DOCK10: variants seen among roughly 807,000 people sequenced by gnomAD.
The protein encoded by DOCK10 is dedicator of cytokinesis 10, also known as dedicator of cytokinesis protein 10.
DOCK10 carries 145 observed loss-of-function variants against 280.1 expected under a neutral mutation model. The observed-to-expected ratio is 0.52, with a 90% CI of 0.45 to 0.59. The LOEUF (loss-of-function observed/expected upper bound fraction) is 0.59. DOCK10 is among the 20% of genes least tolerant of loss of function. DOCK10 has a pLI of 0.00. For missense variants in DOCK10, 2,368 were observed against 2,651.7 expected (o/e 0.89, Z 2.35); for synonymous variants, 915 against 942.2 (o/e 0.97, Z 0.53).
intron 1 of DOCK10, among the ~76,000 whole-genome samples, chr2:225,016,883 ATTTTGTAT>A (rs1308502020): frequency 6.6e-6 from 1 of 150,690 alleles, no homozygotes; most frequent in Non-Finnish European, 1.5e-5. Context: ...TTGAATTTTT[ATTTTGTAT>A]TTTGTATTTT....
At chr2:224,979,377 A>G (rs188787773) in intron 1 of DOCK10, among the ~76,000 whole-genome samples, 6 of 152,304 alleles carry the variant, frequency 3.9e-5, no homozygotes, top group Admixed American at 2.6e-4. Flanking sequence ...TACAACTCAA[A>G]CCCTGACATT....
chr2:225,011,354 A>G (rs1689429590), intron 1 of DOCK10, among the ~76,000 whole-genome samples: 2 of 152,198 alleles, frequency 1.3e-5, no homozygotes, highest in African/African-American at 4.8e-5. Flanking sequence ...TGGAAGTTTC[A>G]GCTTCCTAAA....
rs78462487 is a variant in DOCK10, at chr2:224,943,206, A to C, written c.124-11538T>G. Among the ~76,000 whole-genome samples the C allele has an allele frequency of 6.1e-3, 927 of 152,332 alleles. 11 individuals are homozygous for C. Among genetic ancestry groups the C allele is most frequent in the African/African-American group, 0.02 (818 of 41,582 alleles). ...CACTTTTCCTTAAGCTTTTTTCATA[A>C]CACAACTTCAGTCTCTCAATTGTAT... On this transcript the variant is annotated intron_variant, in intron 1 of 55. Coordinates refer to ENST00000258390, the MANE Select transcript of DOCK10 (RefSeq NM_014689.3).
intron 1 of DOCK10, among the ~76,000 whole-genome samples, chr2:225,001,502 A>T (rs1706429668): frequency 6.6e-6 from 1 of 151,882 alleles, no homozygotes; most frequent in Non-Finnish European, 1.5e-5. Flanking sequence ...GTTAGCCAGG[A>T]TGGTCTTGAT....
rs879908975 is a variant in DOCK10, at chr2:224,888,836, G to GAA, written c.417-2306_417-2305insTT. 2.5e-3 allele frequency among the ~76,000 whole-genome samples: 378 copies of GAA among 151,690 alleles called. 1 individual carries two copies. The highest frequency in any genetic ancestry group is 0.01 in the Middle Eastern group (3 of 292). On this transcript the variant is annotated intron_variant, in intron 4 of 55. Coordinates refer to ENST00000258390, the MANE Select transcript of DOCK10 (RefSeq NM_014689.3). ...TGTGTGTATGTATGTGTGTGAATATGTATGTGTGAATATATTTGTGTGTGA... is the reference window on the plus strand; with the variant it reads ...TGTGTGTATGTATGTGTGTGAATATGAATATGTGTGAATATATTTGTGTGTGA...
chr2:224,885,553 A>G (rs1699227155), intron 7 of DOCK10, 118 bp downstream of exon 7: 3 of 1,071,704 alleles, frequency 2.8e-6, no homozygotes, highest in South Asian at 3.2e-5. Context: ...CTTGTTTTTC[A>G]CAGAATTCTT....
Position 224,770,244 on chromosome 2 carries a change from C to T in DOCK10, c.6411G>A (p.Met2137Ile), listed in dbSNP as rs1351602738. ...TCATGACTGTGGAGAGTTCGCTGAG[C>T]ATGTCCTTGTAGTGGGACCTCAGTT... Reference protein sequence around the residue: ...QEELRSHYKDMLSELSTVMNE... With the variant: ...QEELRSHYKDILSELSTVMNE... The change falls in exon 55 of 56, where the codon ATG becomes ATA. Residue 2137 changes from methionine (M) to isoleucine (I), a missense_variant. Coordinates refer to ENST00000258390, the MANE Select transcript of DOCK10 (RefSeq NM_014689.3). The surrounding 1 kb of genome is among the most constrained non-coding windows in gnomAD (Gnocchi z 4.5). 11 of 1,601,746 alleles carry T rather than the reference C, an allele frequency of 6.9e-6. No homozygotes were observed. Among genetic ancestry groups the T allele is most frequent in the South Asian group, 1.1e-5 (1 of 88,534 alleles).
intron 1 of DOCK10, among the ~76,000 whole-genome samples, chr2:225,025,878 C>T (rs1177855810): frequency 6.6e-6 from 1 of 152,056 alleles, no homozygotes; most frequent in Non-Finnish European, 1.5e-5. Flanking sequence ...AACCAAGAAT[C>T]ATTTATGAAG....
chr2:224,777,294 T>C (rs1310044329), intron 51 of DOCK10, among the ~76,000 whole-genome samples: 1 of 152,216 alleles, frequency 6.6e-6, no homozygotes, highest in African/African-American at 2.4e-5. Flanking sequence ...CAAAGTATTG[T>C]TCCTGGGTGT....
At chr2:224,795,139 T>C (rs1374189593) in intron 44 of DOCK10, 45 bp from the exon 45 acceptor site, 11 of 1,553,638 alleles carry the variant, frequency 7.1e-6, no homozygotes, top group Admixed American at 3.4e-5. Context: ...TTAGAATCTA[T>C]AGGTTAACTG....
At chr2:224,828,966 A>C (rs1695044206) in intron 27 of DOCK10, among the ~76,000 whole-genome samples, 2 of 152,228 alleles carry the variant, frequency 1.3e-5, no homozygotes, top group Admixed American at 1.3e-4. Context: ...GTCACAATTC[A>C]GATCTGGTAC....
At chr2:225,026,414 G>GT in intron 1 of DOCK10, among the ~76,000 whole-genome samples, 1 of 152,148 alleles carries the variant, frequency 6.6e-6, no homozygotes, top group South Asian at 2.1e-4. Context: ...GAAACCACAA[G>GT]GACATTGCAA....
At chr2:224,935,618 G>T (rs2126042955) in intron 1 of DOCK10, among the ~76,000 whole-genome samples, 1 of 152,268 alleles carries the variant, frequency 6.6e-6, no homozygotes, top group Admixed American at 6.5e-5. Flanking sequence ...CTGTAAAATG[G>T]TTTAGTTAGT....
At chr2:225,012,561 T>C (rs1365238521) in intron 1 of DOCK10, among the ~76,000 whole-genome samples, 2 of 152,202 alleles carry the variant, frequency 1.3e-5, no homozygotes, top group Admixed American at 6.5e-5. Context: ...TTTTAAAAAA[T>C]TGTAGTGCCA....
chr2:224,931,198 T>C (rs1302191194), intron 2 of DOCK10, among the ~76,000 whole-genome samples: 2 of 152,250 alleles, frequency 1.3e-5, no homozygotes, highest in East Asian at 3.8e-4. Flanking sequence ...TGGTTTCAGT[T>C]GCTTGGAAGC....
chr2:224,856,177 G>T (rs1460177411), intron 15 of DOCK10, among the ~76,000 whole-genome samples: 1 of 152,214 alleles, frequency 6.6e-6, no homozygotes, highest in Non-Finnish European at 1.5e-5. Flanking sequence ...GCCATAAAGT[G>T]TGAGGCTGAC....
intron 47 of DOCK10, among the ~76,000 whole-genome samples, chr2:224,792,504 G>A (rs867072908): frequency 1.3e-5 from 2 of 152,016 alleles, no homozygotes; most frequent in East Asian, 1.9e-4. Context: ...GGCTGGTCTC[G>A]GACTTCTGAC....
intron 2 of DOCK10, among the ~76,000 whole-genome samples, chr2:224,923,981 C>A (rs750523549): frequency 1.4e-4 from 21 of 152,132 alleles, no homozygotes; most frequent in Non-Finnish European, 2.9e-4. Flanking sequence ...ATAAGCAAGC[C>A]ACATTACATC....
At chr2:225,028,814 G>C (rs1447866139) in intron 1 of DOCK10, among the ~76,000 whole-genome samples, 4 of 152,150 alleles carry the variant, frequency 2.6e-5, no homozygotes, top group Admixed American at 2.0e-4. Context: ...GCCAAGCATA[G>C]GTCACATTTT....
Sources: gnomAD v4.1 joint callset for allele counts (sites outside exome capture counted in the v4.1 genomes callset) on GRCh38, gnomAD v4.1.1 for gene constraint, Gnocchi (gnomAD v3.1) non-coding constraint, MANE v1.5 for transcripts, NCBI Gene and HGNC (gene_info 2026-07-23, HGNC 2026-07-21) for gene names.